The following SLA variants were observed in gnomAD, a reference collection of about 807,000 sequenced individuals.
SLA encodes the protein src-like-adapter.
SLA carries 16 observed loss-of-function variants against 30.3 expected under a neutral mutation model. The ratio of observed to expected loss-of-function variants is 0.53; its 90% CI spans 0.36 to 0.80. The LOEUF is 0.80. Ranked by LOEUF, SLA falls within the 30% of genes least tolerant of loss-of-function variation. The probability of loss-of-function intolerance (pLI) is 0.01; values close to 1 mark genes in which losing one functional copy is unlikely to be tolerated. For missense variants in SLA, 310 were observed against 345.2 expected (o/e 0.90, Z 0.81); for synonymous variants, 143 against 137.8 (o/e 1.04, Z -0.26).
chr8:133,076,063 G>C (rs1359285940), intron 1 of SLA: 1 of 152,170 alleles, frequency 6.6e-6, no homozygotes, highest in Non-Finnish European at 1.5e-5. Context: ...AGAGCTTATT[G>C]ATGAAACAGG....
chr8:133,093,823 C>T (rs1032460383), intron 1 of SLA, among the ~76,000 whole-genome samples: 1 of 152,228 alleles, frequency 6.6e-6, no homozygotes, highest in Admixed American at 6.5e-5. Flanking sequence ...GATCCCAGCC[C>T]TGCCTCCTAA....
At chr8:133,072,709 G>C (rs1339662066) in intron 2 of SLA, among the ~76,000 whole-genome samples, 1 of 152,200 alleles carries the variant, frequency 6.6e-6, no homozygotes, top group Non-Finnish European at 1.5e-5. Flanking sequence ...CTTTAAAAAG[G>C]CTCATTTCCC....
At chr8:133,054,033 T>A (rs1587904741) in intron 3 of SLA, among the ~76,000 whole-genome samples, 1 of 152,164 alleles carries the variant, frequency 6.6e-6, no homozygotes, top group Non-Finnish European at 1.5e-5. Flanking sequence ...TGGGGCAGGG[T>A]GGCCATTTTA....
intron 7 of SLA, 89 bp from the exon 8 acceptor site, chr8:133,040,219 TC>T: frequency 7.2e-7 from 1 of 1,395,950 alleles, no homozygotes; most frequent in Non-Finnish European, 9.8e-7. Flanking sequence ...CCAGTGCAGC[TC>T]CCTGGCTGCT....
At chr8:133,065,713 G>A (rs1184687600) in intron 2 of SLA, among the ~76,000 whole-genome samples, 1 of 152,066 alleles carries the variant, frequency 6.6e-6, no homozygotes, top group Non-Finnish European at 1.5e-5. Context: ...AGTGAGTTGA[G>A]ATCAGGCCAT....
intron 1 of SLA, chr8:133,087,748 T>G (rs1485232552): frequency 2.0e-5 from 3 of 152,214 alleles, no homozygotes; most frequent in Non-Finnish European, 4.4e-5. Flanking sequence ...TGTGGATTGA[T>G]CAAGTCAGAC....
chr8:133,070,156 T>C (rs560371578), intron 2 of SLA, among the ~76,000 whole-genome samples: 1 of 152,260 alleles, frequency 6.6e-6, no homozygotes, highest in South Asian at 2.1e-4. Flanking sequence ...AAATTCCTAA[T>C]AGTGTGTGCC....
chr8:133,081,337 A>G (rs948962568), intron 1 of SLA, among the ~76,000 whole-genome samples: 3 of 152,260 alleles, frequency 2.0e-5, no homozygotes, highest in African/African-American at 7.2e-5. Flanking sequence ...GAATTAAAGT[A>G]AATAAATTGT....
chr8:133,045,167 G>T, intron 6 of SLA, 52 bp from the exon 7 acceptor site: 1 of 1,605,122 alleles, frequency 6.2e-7, no homozygotes, highest in Non-Finnish European at 8.5e-7. Flanking sequence ...TCACCCCAAG[G>T]CACCCAGCTA....
intron 1 of SLA, among the ~76,000 whole-genome samples, chr8:133,089,733 T>TC (rs775476810): frequency 2.1e-4 from 32 of 152,194 alleles, no homozygotes; most frequent in Non-Finnish European, 8.8e-5. Context: ...CCAGGCCCTG[T>TC]CCTGGGGCTG....
chr8:133,046,959 A>G (rs1393120606), intron 6 of SLA: 1 of 152,188 alleles, frequency 6.6e-6, no homozygotes, highest in African/African-American at 2.4e-5. Context: ...TATTGAATGT[A>G]CAAGAAGCAA....
chr8:133,072,183 G>T (rs1320710699), intron 2 of SLA, among the ~76,000 whole-genome samples: 1 of 152,200 alleles, frequency 6.6e-6, no homozygotes, highest in Non-Finnish European at 1.5e-5. Context: ...CTGGTGCTAA[G>T]GAGCGAAGTG....
chr8:133,037,087 C>G lies in SLA; in HGVS notation c.*1437G>C, dbSNP rs889498133. The G allele has an allele frequency of 6.6e-6, 1 of 152,216 alleles. No individual in the cohort carries two copies. Among genetic ancestry groups the G allele is most frequent in the Non-Finnish European group, 1.5e-5 (1 of 68,050 alleles). The allele number at this position is 152,216 out of a possible 1,614,324, so 9.4% of individuals were successfully genotyped here. ...ACTGCACATACACATACCAGTAGCA[C>G]GATGAGCTCAGATGGACGGAATGCT... On this transcript the variant is annotated 3_prime_UTR_variant, in exon 9 of 9. Coordinates refer to ENST00000338087, the MANE Select transcript of SLA (RefSeq NM_001045556.3).
At chr8:133,098,068 T>C (rs1488075331) in intron 1 of SLA, among the ~76,000 whole-genome samples, 1 of 152,140 alleles carries the variant, frequency 6.6e-6, no homozygotes, top group Admixed American at 6.6e-5. Context: ...TTTCAACATT[T>C]TTTCTGCCAA....
chr8:133,045,387 C>CTTTTTTTTT (rs5895172), intron 6 of SLA, among the ~76,000 whole-genome samples: 9 of 65,898 alleles, frequency 1.4e-4, no homozygotes, highest in African/African-American at 3.3e-4. Context: ...ATCCTCTTTG[C>CTTTTTTTTT]TTTTTTTTTT....
chr8:133,041,753 T>C (rs937147430), intron 7 of SLA, among the ~76,000 whole-genome samples: 1 of 151,098 alleles, frequency 6.6e-6, no homozygotes, highest in African/African-American at 2.4e-5. Flanking sequence ...GTACCCTGGA[T>C]CTCATTGAGG....
Position 133,047,815 on chromosome 8 carries a change from T to G in SLA, c.352+15A>C. ...TCTGCCCCGGATGGGGAAAGATGAG[T>G]TGGGGGCCACTCACCTTTCTTGGTC... On this transcript the variant is annotated intron_variant, in intron 6 of 8. Coordinates refer to ENST00000338087, the MANE Select transcript of SLA (RefSeq NM_001045556.3). 7.2e-7 allele frequency: 1 copy of G among 1,397,710 alleles called. No homozygotes were observed. Among genetic ancestry groups the G allele is most frequent in the South Asian group, 1.2e-5 (1 of 86,928 alleles). 86.6% of individuals were successfully genotyped at this position (1,397,710 alleles called of 1,614,324 possible). A position where few individuals can be genotyped will look rare whatever the true frequency, so the allele number is the denominator to read the frequency against.
Position 133,038,692 on chromosome 8 carries a change from G to T in SLA, c.663C>A (p.Asp221Glu). 4 of 1,614,058 alleles carry T rather than the reference G, an allele frequency of 2.5e-6. No individual in the cohort carries two copies. The highest frequency in any genetic ancestry group is 3.4e-6 in the Non-Finnish European group (4 of 1,179,990). Residue 221 changes from aspartate (D) to glutamate (E), a missense_variant, in exon 9 of 9, where the codon GAC becomes GAA. Transcript: ENST00000338087. Reference sequence around the variant, plus strand: ...GAAGGCCATAGCTGAAAAGGGACTCGTCTACCCCAAGCGGGTTCTCTGTTC... The same window carrying T: ...GAAGGCCATAGCTGAAAAGGGACTCTTCTACCCCAAGCGGGTTCTCTGTTC... The part of the protein sequence containing the change: ...PEGTENPLGV[D>E]ESLFSYGLRE...
At chr8:133,058,982 C>T (rs572381802) in intron 3 of SLA, 31 of 470,184 alleles carry the variant, frequency 6.6e-5, no homozygotes, top group African/African-American at 4.6e-4. Context: ...TCAGACCACA[C>T]AAGCTGGGCC....
Sources: gnomAD v4.1 joint callset for allele counts (sites outside exome capture counted in the v4.1 genomes callset) on GRCh38, gnomAD v4.1.1 for gene constraint, MANE v1.5 for transcripts, NCBI Gene and HGNC (gene_info 2026-07-23, HGNC 2026-07-21) for gene names.